QTMAN: variants seen among roughly 807,000 people sequenced by gnomAD.
QTMAN encodes the protein tRNA-queuosine alpha-mannosyltransferase.
At chr2:144,188,300 C>A in the QTMAN span, among the ~76,000 whole-genome samples, 1 of 151,886 alleles carries the variant, frequency 6.6e-6, no homozygotes, top group Non-Finnish European at 1.5e-5. Context: ...TTTAAGCTTT[C>A]ACAACATTGA....
chr2:144,014,484 A>T, the QTMAN span, among the ~76,000 whole-genome samples: 1 of 152,192 alleles, frequency 6.6e-6, no homozygotes, highest in African/African-American at 2.4e-5. Context: ...ATCTGCGATA[A>T]GATAGGAAAA....
At chr2:144,113,517 A>G in the QTMAN span, among the ~76,000 whole-genome samples, 1 of 152,228 alleles carries the variant, frequency 6.6e-6, no homozygotes, top group Non-Finnish European at 1.5e-5. Flanking sequence ...GAAGAACAGA[A>G]GAAGGTGATG....
At chr2:144,193,505 C>CGTGT in the QTMAN span, among the ~76,000 whole-genome samples, 11 of 146,156 alleles carry the variant, frequency 7.5e-5, no homozygotes, top group East Asian at 2.0e-4. Context: ...ATATATATTA[C>CGTGT]GTGTGTGTGT....
the QTMAN span, among the ~76,000 whole-genome samples, chr2:144,197,074 C>G: frequency 2.0e-5 from 3 of 152,134 alleles, no homozygotes; most frequent in African/African-American, 4.8e-5. Context: ...TACTACACCC[C>G]CATGCTATAT....
the QTMAN span, among the ~76,000 whole-genome samples, chr2:144,182,796 TATTATATATATAATA>T: frequency 3.7e-5 from 1 of 26,856 alleles, no homozygotes; most frequent in Non-Finnish European, 8.8e-5. Context: ...TATATATATA[TATTATATATATAATA>T]TATATATTAT....
chr2:144,076,231 A>C, the QTMAN span, among the ~76,000 whole-genome samples: 1 of 152,232 alleles, frequency 6.6e-6, no homozygotes, highest in African/African-American at 2.4e-5. Flanking sequence ...TGGGCAACAG[A>C]GTGAGACTCC....
At chr2:144,288,191 C>A in the QTMAN span, among the ~76,000 whole-genome samples, 6 of 151,934 alleles carry the variant, frequency 3.9e-5, no homozygotes, top group African/African-American at 1.5e-4. Flanking sequence ...TATATCCAAT[C>A]CTTTGATGAA....
At chr2:144,317,617 C>T in the QTMAN span, 1 of 152,182 alleles carries the variant, frequency 6.6e-6, no homozygotes, top group Non-Finnish European at 1.5e-5. Context: ...CTGATGAATT[C>T]TCAAGGCTTT....
At chr2:143,954,119 G>T in the QTMAN span, among the ~76,000 whole-genome samples, 4 of 151,726 alleles carry the variant, frequency 2.6e-5, no homozygotes, top group Non-Finnish European at 5.9e-5. Flanking sequence ...GATACATAGG[G>T]TACACACAGA....
the QTMAN span, among the ~76,000 whole-genome samples, chr2:144,175,697 T>C: frequency 3.0e-4 from 46 of 152,248 alleles, no homozygotes; most frequent in South Asian, 9.5e-3. Flanking sequence ...AGAGACTTGC[T>C]CTGTCATCCA....
chr2:144,101,147 C>T, the QTMAN span, among the ~76,000 whole-genome samples: 1 of 152,128 alleles, frequency 6.6e-6, no homozygotes, highest in African/African-American at 2.4e-5. Context: ...GGATTACAGG[C>T]TTGAGCCACC....
At chr2:144,286,217 A>C in the QTMAN span, among the ~76,000 whole-genome samples, 1 of 152,182 alleles carries the variant, frequency 6.6e-6, no homozygotes, top group Non-Finnish European at 1.5e-5. Context: ...AGTGTAGCAA[A>C]AACAAATTAT....
the QTMAN span, among the ~76,000 whole-genome samples, chr2:144,189,739 C>T: frequency 2.0e-5 from 3 of 152,134 alleles, no homozygotes; most frequent in South Asian, 6.2e-4. Context: ...CCCGCCTCAG[C>T]CTCCCAAGTA....
At chr2:144,297,372 T>C in the QTMAN span, among the ~76,000 whole-genome samples, 5 of 152,150 alleles carry the variant, frequency 3.3e-5, no homozygotes, top group Non-Finnish European at 7.3e-5. Flanking sequence ...TCTGGTCTAT[T>C]ACACTTACTC....
chr2:144,055,737 C>T, the QTMAN span, among the ~76,000 whole-genome samples: 1 of 152,118 alleles, frequency 6.6e-6, no homozygotes, highest in East Asian at 1.9e-4. Flanking sequence ...CCCTCGAGTT[C>T]CAGAGAAGGA....
the QTMAN span, among the ~76,000 whole-genome samples, chr2:144,153,534 C>A: frequency 6.6e-6 from 1 of 151,932 alleles, no homozygotes; most frequent in African/African-American, 2.4e-5. Flanking sequence ...ACTAAAAATA[C>A]GAAAAAATTT....
chr2:143,985,483 T>C, the QTMAN span, among the ~76,000 whole-genome samples: 1 of 152,258 alleles, frequency 6.6e-6, no homozygotes, highest in African/African-American at 2.4e-5. Flanking sequence ...CTTTTGACTA[T>C]GCAGTTCATT....
At chr2:143,978,879 T>C in the QTMAN span, among the ~76,000 whole-genome samples, 1 of 152,242 alleles carries the variant, frequency 6.6e-6, no homozygotes, top group Non-Finnish European at 1.5e-5. Flanking sequence ...AAGAAACATG[T>C]AGGAAATACA....
chr2:143,970,103 G>A, the QTMAN span, among the ~76,000 whole-genome samples: 1 of 152,204 alleles, frequency 6.6e-6, no homozygotes, highest in Non-Finnish European at 1.5e-5. Context: ...TCTTTGAAAA[G>A]GCTCCGTGTG....
Sources: allele counts gnomAD v4.1 joint callset (sites outside exome capture counted in the v4.1 genomes callset), GRCh38; gene constraint gnomAD v4.1.1; transcripts MANE v1.5; gene names NCBI Gene and HGNC (gene_info 2026-07-23, HGNC 2026-07-21).